MYO15A: variants seen among roughly 807,000 people sequenced by gnomAD.
MYO15A encodes the protein unconventional myosin-XV.
MYO15A carries 308 observed loss-of-function variants against 394.6 expected under a neutral mutation model. That is an observed-to-expected ratio of 0.78 (90% CI 0.71 to 0.86). MYO15A has a LOEUF of 0.86. Ranked by LOEUF, MYO15A falls within the 40% of genes least tolerant of loss-of-function variation. The pLI is 0.00. For synonymous variants in MYO15A, 1,957 were observed against 2,003.8 expected, an observed-to-expected ratio of 0.98 and a Z score of 0.62; for missense variants, 4,606 against 4,799.1, an observed-to-expected ratio of 0.96 and a Z score of 1.19.
Position 18,145,968 on chromosome 17 carries a change from C to A in MYO15A, c.6370C>A (p.Arg2124=). 1.9e-6 allele frequency: 3 copies of A among 1,613,762 alleles called. No homozygotes were observed. Among genetic ancestry groups the A allele is most frequent in the Non-Finnish European group, 2.5e-6 (3 of 1,180,014 alleles). The part of the protein sequence containing the change: ...VQKGLAVPEL[R]DEILAQLANQ... ...GAAGGGGCTGGCGGTGCCTGAGCTG[C>A]GGGATGAGATCCTGGCACAGCTGGC... The change falls in exon 30 of 66, where the codon CGG becomes AGG. Residue 2124 remains arginine (R), a synonymous_variant. Transcript: ENST00000647165.
Position 18,173,875 on chromosome 17 carries a change from T to A in MYO15A, c.10445T>A (p.Leu3482Gln), listed in dbSNP as rs527404915. 1 of 1,612,982 alleles carries A rather than the reference T, an allele frequency of 6.2e-7. No homozygotes were observed. Among genetic ancestry groups the A allele is most frequent in the African/African-American group, 1.3e-5 (1 of 74,914 alleles). Residue 3482 changes from leucine (L) to glutamine (Q), a missense_variant, in exon 65 of 66, where the codon CTG becomes CAG. Around this residue, in one of 2 missense-constraint regions of MYO15A, gnomAD observed 2,776 missense variants for 3,109.3 expected, o/e 0.89. Transcript: ENST00000647165. ...AGCTACCCCTATGTGGAGATTGCGC[T>A]GGGGGACGTGGCGGCCCAGCGCACC... ...NSSYPYVEIA[L>Q]GDVAAQRTLQ...
intron 1 of MYO15A, among the ~76,000 whole-genome samples, chr17:18,111,816 T>C (rs1434296689): frequency 3.9e-5 from 6 of 152,192 alleles, no homozygotes; most frequent in Non-Finnish European, 2.9e-5. Context: ...CGCTATCTCA[T>C]GTAATGCCCA....
At chr17:18,130,251 C>T (rs112198349) in intron 7 of MYO15A, among the ~76,000 whole-genome samples, 1,776 of 151,856 alleles carry the variant, frequency 0.012, 24 homozygotes, top group Middle Eastern at 0.071. Context: ...TGTGTAGACG[C>T]TGGGGACTCA....
chr17:18,116,934 A>T (rs944412216), intron 1 of MYO15A, among the ~76,000 whole-genome samples: 3 of 50,228 alleles, frequency 6.0e-5, no homozygotes, highest in African/African-American at 3.9e-4. Context: ...AAAAAAAAAG[A>T]AAGAAAGAAA....
chr17:18,135,202 C>T (rs2046241208), intron 12 of MYO15A, among the ~76,000 whole-genome samples: 2 of 151,976 alleles, frequency 1.3e-5, no homozygotes, highest in Non-Finnish European at 2.9e-5. Context: ...CGGAGTTTCA[C>T]TCTTGTCGCC....
At chr17:18,140,998 C>T in intron 21 of MYO15A, 21 bp from the exon 22 acceptor site, 1 of 1,613,644 alleles carries the variant, frequency 6.2e-7, no homozygotes, top group Non-Finnish European at 8.5e-7. Context: ...GTGCAGACTC[C>T]CTCTCTGGGC....
In MYO15A at chr17:18,120,162, C is replaced by T. The variant is rs773622070; in HGVS notation, c.1362C>T (p.Ser454=). The T allele has an allele frequency of 6.2e-7, 1 of 1,612,932 alleles. No homozygotes were observed. Among genetic ancestry groups the T allele is most frequent in the South Asian group, 1.1e-5 (1 of 91,092 alleles). ...ERQGTSFRLP[S]AAFFEQQGMD... is the part of the protein sequence containing the mutation. The stretch of plus-strand genomic sequence containing the variant: ...AGGGGACCTCCTTCCGCCTGCCCAG[C>T]GCCGCCTTCTTCGAGCAGCAAGGCA... Residue 454 remains serine, a synonymous_variant, in exon 2 of 66, where the codon AGC becomes AGT. Transcript: ENST00000647165.
intron 2 of MYO15A, chr17:18,124,228 C>G (rs1032501732): frequency 3.5e-6 from 2 of 567,066 alleles, no homozygotes; most frequent in South Asian, 1.9e-5. Context: ...TTGTTCACCC[C>G]CTAGGGCAGG....
Position 18,117,750 on chromosome 17 carries a change from A to T in MYO15A, c.-219-832A>T, listed in dbSNP as rs1235245846. On this transcript the variant is annotated intron_variant, in intron 1 of 65. Coordinates refer to ENST00000647165, the MANE Select transcript of MYO15A (RefSeq NM_016239.4). This position sits in a 1 kb window ranked among gnomAD's most constrained non-coding sequence, Gnocchi z 4.1. ...CCATATGAAGCAATCAGCTATGCCC[A>T]GAGAAGGCAGTAACCACATGGCCAC... is the stretch of plus-strand genomic sequence containing the variant. Among the ~76,000 whole-genome samples, 2 of 152,200 alleles carry T rather than the reference A, an allele frequency of 1.3e-5. No individual in the cohort carries two copies. Among genetic ancestry groups the T allele is most frequent in the Non-Finnish European group, 2.9e-5 (2 of 68,034 alleles).
chr17:18,109,539 T>C (rs1447882292), intron 1 of MYO15A: 1 of 152,374 alleles, frequency 6.6e-6, no homozygotes, highest in Non-Finnish European at 1.5e-5. Flanking sequence ...AAGTGGCAGC[T>C]TGCGGTGCCT....
rs781034631 is a variant in MYO15A at position 18,150,549 on chromosome 17, T to A, written c.7327+6T>A. The A allele has an allele frequency of 3.1e-6, 5 of 1,613,964 alleles. No individual in the cohort carries two copies. Among genetic ancestry groups the A allele is most frequent in the Non-Finnish European group, 1.7e-6 (2 of 1,179,962 alleles). On this transcript the variant is annotated splice_donor_region_variant and intron_variant, in intron 36 of 65. Coordinates refer to ENST00000647165, the MANE Select transcript of MYO15A (RefSeq NM_016239.4). This position sits in a 1 kb window ranked among gnomAD's most constrained non-coding sequence, Gnocchi z 4.4. ...ACCCCCAGAGCCAAAGCCAAGTCAG[T>A]GCCTCCCCAGGGTGGTTCCAGGGTT...
In MYO15A at chr17:18,137,566, C is replaced by T; in HGVS notation, c.4780-18C>T. 1 of 1,611,554 alleles carries T rather than the reference C, an allele frequency of 6.2e-7. No homozygotes were observed. The highest frequency in any genetic ancestry group is 8.5e-7 in the Non-Finnish European group (1 of 1,178,836). Reference sequence around the variant, plus strand: ...GGCCAAGGAAGGACCAGTCCCAGCACCCCCATCCACCTGGCAGGACCTGAG... The same window carrying T: ...GGCCAAGGAAGGACCAGTCCCAGCATCCCCATCCACCTGGCAGGACCTGAG... On this transcript the variant is annotated intron_variant, in intron 15 of 65. Coordinates refer to ENST00000647165, the MANE Select transcript of MYO15A (RefSeq NM_016239.4).
rs776571172 is a variant in MYO15A at position 18,120,467 on chromosome 17, G to C, written c.1667G>C (p.Gly556Ala). 1 of 1,575,318 alleles carries C rather than the reference G, an allele frequency of 6.3e-7. No individual in the cohort carries two copies. The highest frequency in any genetic ancestry group is 8.6e-7 in the Non-Finnish European group (1 of 1,164,104). The change falls in exon 2 of 66, where the codon GGC (glycine) becomes GCC (alanine). Residue 556 changes from glycine to alanine, a missense_variant. By Grantham distance (60) the Gly-to-Ala change is moderately conservative. Coordinates refer to ENST00000647165, the MANE Select transcript of MYO15A (RefSeq NM_016239.4). ...LSAFGAHRGL[G>A]FGPEFGRPVP... ...GCCTTCGGCGCCCACCGGGGCCTGG[G>C]CTTCGGCCCTGAGTTTGGCCGCCCC...
rs1039616811 is a variant in MYO15A at position 18,158,019 on chromosome 17, G to C, written c.8967+119G>C. ...GGCCTGGCCAGGCTCTTGGGGCGTG[G>C]CTGATCTTGGACTAGTGTGAGGGTG... On this transcript the variant is annotated intron_variant, in intron 51 of 65. Transcript: ENST00000647165. 10 of 1,353,672 alleles carry C rather than the reference G, an allele frequency of 7.4e-6. No homozygotes were observed. The South Asian group carries it at 1.5e-4, about 21-fold the overall frequency. The allele number at this position is 1,353,672 out of a possible 1,614,324, so 83.9% of individuals were successfully genotyped here.
Position 18,132,566 on chromosome 17 carries a change from G to C in MYO15A, c.4320G>C (p.Gln1440His). The change falls in exon 11 of 66, where the codon CAG becomes CAC. Residue 1440 changes from glutamine to histidine, a missense_variant and splice_region_variant. Physicochemically the swap from Gln to His is conservative, Grantham distance 24. Transcript: ENST00000647165. The surrounding 1 kb of genome is among the most constrained non-coding windows in gnomAD (Gnocchi z 4.6). ...CTGAGACCTACTACTATCTGAACCA[G>C]GTGAGTGCCAGCAGGCATCTGAAGG... ...QEAETYYYLN[Q>H]GGNCEIAGKS... 6.2e-7 allele frequency: 1 copy of C among 1,610,244 alleles called. No individual in the cohort carries two copies. The highest frequency in any genetic ancestry group is 8.5e-7 in the Non-Finnish European group (1 of 1,179,792).
intron 22 of MYO15A, 95 bp from the exon 23 acceptor site, chr17:18,141,557 CT>C: frequency 8.3e-7 from 1 of 1,200,364 alleles, no homozygotes; most frequent in Non-Finnish European, 1.2e-6. Flanking sequence ...TGGGACCAGG[CT>C]TTTTGGACAC....
intron 35 of MYO15A, chr17:18,149,989 C>G: frequency 3.2e-6 from 1 of 308,890 alleles, no homozygotes; most frequent in Non-Finnish European, 6.1e-6. Flanking sequence ...AAGAAGTGCA[C>G]CTTTGGTGGC....
intron 4 of MYO15A, among the ~76,000 whole-genome samples, 169 bp from the exon 5 acceptor site, chr17:18,126,178 G>A (rs749718489): frequency 6.6e-6 from 1 of 152,258 alleles, no homozygotes; most frequent in African/African-American, 2.4e-5. Context: ...TCCACTGTTA[G>A]AGCACGTAGC....
rs891920714 is a variant in MYO15A, at chr17:18,148,400, A to C, written c.6692-96A>C. ...AGGGGAGCCAGGGAAGTGAGGCTAC[A>C]GATACAGGAAGCCTGAAAGGAAGAA... On this transcript the variant is annotated intron_variant, in intron 31 of 65. Coordinates refer to ENST00000647165, the MANE Select transcript of MYO15A (RefSeq NM_016239.4). This position sits in a 1 kb window ranked among gnomAD's most constrained non-coding sequence, Gnocchi z 4.8. The C allele has an allele frequency of 6.7e-7, 1 of 1,489,488 alleles. No homozygotes were observed. Among genetic ancestry groups the C allele is most frequent in the Non-Finnish European group, 9.1e-7 (1 of 1,094,042 alleles). 92.3% of individuals were successfully genotyped at this position (1,489,488 alleles called of 1,614,324 possible).
Sources: allele counts gnomAD v4.1 joint callset (sites outside exome capture counted in the v4.1 genomes callset), GRCh38; gene constraint gnomAD v4.1.1; regional missense constraint gnomAD v4.1.1; non-coding constraint Gnocchi (gnomAD v3.1); transcripts MANE v1.5; gene names NCBI Gene and HGNC (gene_info 2026-07-23, HGNC 2026-07-21).